The following HSD17B11 variants were observed in gnomAD, a reference collection of about 807,000 sequenced individuals.
HSD17B11 encodes the protein estradiol 17-beta-dehydrogenase 11.
Under a neutral mutation model 27.8 loss-of-function variants are expected in HSD17B11, and 22 were observed. The ratio of observed to expected loss-of-function variants is 0.79; its 90% CI spans 0.56 to 1.13. The LOEUF (loss-of-function observed/expected upper bound fraction) is 1.13. HSD17B11 is among the 50% of genes most tolerant of loss of function. HSD17B11 has a pLI of 0.00. For synonymous variants in HSD17B11, 117 were observed against 132.8 expected (o/e 0.88, Z 0.82); for missense variants, 314 against 351.1 (o/e 0.89, Z 0.84).
chr4:87,358,792 T>A (rs1463929719), intron 4 of HSD17B11, among the ~76,000 whole-genome samples: 4 of 150,310 alleles, frequency 2.7e-5, no homozygotes, highest in Non-Finnish European at 4.4e-5. Context: ...TTTTAAAAAA[T>A]TTTAAAAAAA....
chr4:87,366,201 T>G (rs547984231), intron 4 of HSD17B11: 9 of 152,292 alleles, frequency 5.9e-5, no homozygotes, highest in African/African-American at 1.9e-4. Context: ...ATTCTGTGTA[T>G]GAACATATTA....
chr4:87,344,206 A>G (rs1317966746), intron 5 of HSD17B11, among the ~76,000 whole-genome samples: 2 of 152,192 alleles, frequency 1.3e-5, no homozygotes, highest in Admixed American at 6.5e-5. Flanking sequence ...AATAAAACTA[A>G]TATCTTTCTG....
rs75969500 is a variant in HSD17B11, at chr4:87,344,070, A to T, written c.696-3464T>A. On this transcript the variant is annotated intron_variant, in intron 5 of 6. Coordinates refer to ENST00000358290, the MANE Select transcript of HSD17B11 (RefSeq NM_016245.5). ...AATGAGTACTACTATATAAGCCAGC[A>T]CCAGCACTCCACTGGGAATATGACG... Among the ~76,000 whole-genome samples the T allele has an allele frequency of 5.6e-3, 849 of 152,294 alleles. 17 individuals are homozygous for T. The highest frequency in any genetic ancestry group is 0.039 in the Admixed American group (592 of 15,296).
chr4:87,372,580 A>G, intron 4 of HSD17B11, 129 bp downstream of exon 4: 1 of 609,422 alleles, frequency 1.6e-6, no homozygotes, highest in Non-Finnish European at 2.9e-6. Flanking sequence ...TTTTTTGACA[A>G]CTCTCAATAA....
intron 3 of HSD17B11, chr4:87,374,371 T>C (rs1308049074): frequency 5.6e-6 from 1 of 177,070 alleles, no homozygotes; most frequent in Admixed American, 6.3e-5. Context: ...CTTTATAAAA[T>C]CACAGACGAT....
chr4:87,344,730 G>A (rs1735237864), intron 5 of HSD17B11, among the ~76,000 whole-genome samples: 1 of 152,122 alleles, frequency 6.6e-6, no homozygotes, highest in Non-Finnish European at 1.5e-5. Context: ...TTTTCTCCCA[G>A]GTAGACCATA....
chr4:87,345,715 T>C (rs1476594343), intron 5 of HSD17B11, among the ~76,000 whole-genome samples: 5 of 152,064 alleles, frequency 3.3e-5, no homozygotes, highest in African/African-American at 7.2e-5. Context: ...ACATGAAATA[T>C]ACAAACTCTC....
In HSD17B11 at chr4:87,374,698, C is replaced by A; in HGVS notation, c.450+1G>T. 6.3e-7 allele frequency: 1 copy of A among 1,594,462 alleles called. No homozygotes were observed. Among genetic ancestry groups the A allele is most frequent in the Non-Finnish European group, 8.5e-7 (1 of 1,175,430 alleles). On this transcript the variant is annotated splice_donor_variant, in intron 3 of 6. Transcript: ENST00000358290. LOFTEE classifies it high-confidence loss of function. ...ATTTTTGTAAAAGAAGCCATACTCA[C>A]CCAGAAATGTGCAAGTACATTAACT... is the stretch of plus-strand genomic sequence containing the variant.
intron 5 of HSD17B11, among the ~76,000 whole-genome samples, chr4:87,343,920 A>C (rs954398954): frequency 5.9e-5 from 9 of 152,188 alleles, no homozygotes; most frequent in African/African-American, 1.4e-4. Flanking sequence ...GCAGTGGTGC[A>C]GTGGCAAATG....
intron 4 of HSD17B11, among the ~76,000 whole-genome samples, chr4:87,368,273 C>T (rs970896237): frequency 2.6e-5 from 4 of 152,056 alleles, no homozygotes; most frequent in Non-Finnish European, 4.4e-5. Flanking sequence ...GCTGAGATCG[C>T]ACCACTGCAC....
chr4:87,388,228 C>A (rs77903320), intron 1 of HSD17B11, among the ~76,000 whole-genome samples: 4,385 of 150,410 alleles, frequency 0.029, 225 homozygotes, highest in African/African-American at 0.1. Flanking sequence ...AAGTAATTAT[C>A]ATTTCAACAT....
At chr4:87,378,929 AAT>A (rs1181289968) in intron 2 of HSD17B11, among the ~76,000 whole-genome samples, 153 of 7,256 alleles carry the variant, frequency 0.021, 6 homozygotes, top group African/African-American at 0.061. Context: ...AATATATATA[AAT>A]ATATATATAT....
At chr4:87,378,892 AT>A (rs1560769333) in intron 2 of HSD17B11, among the ~76,000 whole-genome samples, 602 of 11,816 alleles carry the variant, frequency 0.051, 59 homozygotes, top group African/African-American at 0.26. Context: ...ATATATATAT[AT>A]AAATATATAT....
chr4:87,338,253 C>G (rs1025986521), intron 6 of HSD17B11, among the ~76,000 whole-genome samples: 2 of 151,974 alleles, frequency 1.3e-5, no homozygotes, highest in African/African-American at 4.8e-5. Context: ...TGAACAGTGA[C>G]GGACACTAGC....
chr4:87,381,947 G>A (rs374488799), intron 2 of HSD17B11, among the ~76,000 whole-genome samples: 28 of 152,234 alleles, frequency 1.8e-4, no homozygotes, highest in African/African-American at 5.8e-4. Flanking sequence ...AGATGAAGGC[G>A]CATGGGAGGC....
intron 5 of HSD17B11, among the ~76,000 whole-genome samples, chr4:87,355,761 G>A (rs1282654768): frequency 6.6e-6 from 1 of 152,016 alleles, no homozygotes; most frequent in Non-Finnish European, 1.5e-5. Context: ...GAAATTAGTT[G>A]GGCGTGGTCG....
At chr4:87,346,628 C>T (rs371246064) in intron 5 of HSD17B11, among the ~76,000 whole-genome samples, 17 of 152,062 alleles carry the variant, frequency 1.1e-4, no homozygotes, top group Admixed American at 2.0e-4. Flanking sequence ...CTAGCCTGGG[C>T]GACAGAGCGA....
chr4:87,362,468 G>A (rs1375458124), intron 4 of HSD17B11, among the ~76,000 whole-genome samples: 1 of 152,256 alleles, frequency 6.6e-6, no homozygotes. Context: ...CGAGGTTGCA[G>A]TGAGCCGAGA....
Position 87,337,348 on chromosome 4 carries a change from G to T in HSD17B11, c.831C>A (p.Phe277Leu), listed in dbSNP as rs780868840. The change falls in exon 7 of 7, where the codon TTC (phenylalanine) becomes TTA (leucine). Residue 277 changes from phenylalanine to leucine, a missense_variant. By Grantham distance (22) the Phe-to-Leu change is conservative (BLOSUM62 0). Coordinates refer to ENST00000358290, the MANE Select transcript of HSD17B11 (RefSeq NM_016245.5). ...TGATTTTTCGTTTTAAAACTGCCAG[G>T]AAACGCTCAGGAAGGATCCTAAAAG... is the stretch of plus-strand genomic sequence containing the variant. ...TTLERILPER[F>L]LAVLKRKISV... 2.5e-6 allele frequency: 4 copies of T among 1,590,648 alleles called. No individual in the cohort carries two copies. The South Asian group carries it at 4.4e-5, about 18-fold the overall frequency.
Sources: allele counts gnomAD v4.1 joint callset (sites outside exome capture counted in the v4.1 genomes callset), GRCh38; gene constraint gnomAD v4.1.1; transcripts MANE v1.5; gene names NCBI Gene and HGNC (gene_info 2026-07-23, HGNC 2026-07-21).